SUPT6H: variants seen among roughly 807,000 people sequenced by gnomAD.
SUPT6H encodes transcription elongation factor SPT6.
In SUPT6H, 11 loss-of-function variants were observed where a neutral mutation model predicts 222.3. That is an observed-to-expected ratio of 0.05 (90% CI 0.03 to 0.08). The LOEUF is 0.08. Among genes scored for constraint, SUPT6H ranks in the 10% least tolerant of loss-of-function variants. The pLI, the probability that SUPT6H is intolerant of heterozygous loss-of-function variation, is 1.00. For missense variants in SUPT6H, 1,422 were observed against 2,216.0 expected (o/e 0.64, Z 7.19); for synonymous variants, 762 against 801.2 (o/e 0.95, Z 0.83).
In SUPT6H at chr17:28,674,268, A is replaced by G. The variant is rs1367162743; in HGVS notation, c.110-15A>G. On this transcript the variant is annotated splice_polypyrimidine_tract_variant and intron_variant, in intron 2 of 36. Coordinates refer to ENST00000314616, the MANE Select transcript of SUPT6H (RefSeq NM_003170.5). ...GTTTTTCAGTCTCCATGCCTCAAAC[A>G]TGCATGTCTTCCAGATGAGGAGGAG... is the stretch of plus-strand genomic sequence containing the variant. The G allele has an allele frequency of 8.7e-6, 14 of 1,614,048 alleles. No individual in the cohort carries two copies. The highest frequency in any genetic ancestry group is 1.2e-5 in the Non-Finnish European group (14 of 1,180,010).
chr17:28,701,394 T>G, intron 36 of SUPT6H, 45 bp from the exon 37 acceptor site: 3 of 1,593,810 alleles, frequency 1.9e-6, no homozygotes, highest in Non-Finnish European at 2.6e-6. Flanking sequence ...GTGGGAAGAC[T>G]TCCTTCTAGC....
chr17:28,680,680 C>T (rs533383186), intron 11 of SUPT6H, among the ~76,000 whole-genome samples: 39 of 152,196 alleles, frequency 2.6e-4, no homozygotes, highest in Non-Finnish European at 5.3e-4. Context: ...TGAGAGGAGT[C>T]TCACTCTGTC....
chr17:28,662,475 C>T (rs1003766737), intron 1 of SUPT6H, 133 bp downstream of exon 1: 1 of 152,648 alleles, frequency 6.6e-6, no homozygotes, highest in African/African-American at 2.4e-5. Flanking sequence ...GCCTTCCCTG[C>T]TCTATGGGGG....
intron 1 of SUPT6H, among the ~76,000 whole-genome samples, chr17:28,667,403 GTGTATATATATATATA>G (rs1453267670): frequency 8.7e-4 from 37 of 42,370 alleles, no homozygotes; most frequent in South Asian, 4.1e-3. Flanking sequence ...AAGTGTGTGT[GTGTATATATATATATA>G]TATATATATA....
At chr17:28,663,044 T>TA (rs2072090893) in intron 1 of SUPT6H, among the ~76,000 whole-genome samples, 1 of 152,222 alleles carries the variant, frequency 6.6e-6, no homozygotes. Context: ...CAAGAACTGA[T>TA]ACTTATTTCA....
At chr17:28,687,030 C>T (rs2031416629) in intron 21 of SUPT6H, 58 bp from the exon 22 acceptor site, 2 of 1,595,422 alleles carry the variant, frequency 1.3e-6, no homozygotes, top group African/African-American at 2.7e-5. Context: ...TTTGGATTTC[C>T]TCTTGATGTT....
chr17:28,683,726 C>G lies in SUPT6H; in HGVS notation c.2139C>G (p.Ile713Met). 6.2e-7 allele frequency: 1 copy of G among 1,614,112 alleles called. No individual in the cohort carries two copies. The highest frequency in any genetic ancestry group is 8.5e-7 in the Non-Finnish European group (1 of 1,180,032). The change falls in exon 17 of 37, where the codon ATC (isoleucine) becomes ATG (methionine). Residue 713 changes from isoleucine (I) to methionine (M), a missense_variant. Ile to Met is a conservative substitution (Grantham distance 10). Transcript: ENST00000314616. ...QEWNRQRTMA[I>M]ERALQQFLYV... ...GGAACCGGCAGCGCACCATGGCCAT[C>G]GAACGGGCTTTACAGCAGTTCCTCT...
In SUPT6H at chr17:28,682,707, C is replaced by T; in HGVS notation, c.1598-20C>T. On this transcript the variant is annotated intron_variant, in intron 13 of 36. Transcript: ENST00000314616. ...TCAGCCTATCTGCTGCCTTACCCTT[C>T]ACTCTTCTGTTTGCTTTAGATGGCC... is the stretch of plus-strand genomic sequence containing the variant. The T allele has an allele frequency of 6.2e-7, 1 of 1,613,448 alleles. No individual in the cohort carries two copies. Among genetic ancestry groups the T allele is most frequent in the South Asian group, 1.1e-5 (1 of 90,982 alleles).
At chr17:28,675,326 A>T (rs1451897799) in intron 5 of SUPT6H, 75 bp from the exon 6 acceptor site, 1 of 1,560,880 alleles carries the variant, frequency 6.4e-7, no homozygotes, top group East Asian at 2.2e-5. Context: ...GGCCACTCAC[A>T]TAGTAGGAAC....
At chr17:28,700,688 C>A in intron 35 of SUPT6H, 176 bp downstream of exon 35, 1 of 1,008,418 alleles carries the variant, frequency 9.9e-7, no homozygotes, top group Non-Finnish European at 1.4e-6. Flanking sequence ...TAAGAGAGGG[C>A]ATAACCTTTC....
In SUPT6H at chr17:28,697,708, A is replaced by G; in HGVS notation, c.4298A>G (p.Gln1433Arg). ...ARDLLNHKYY[Q>R]DCSGGDRKKL... ...GACCTTCTGAATCACAAGTATTATC[A>G]GGACTGCAGCGGTGGGGACCGCAAG... The change falls in exon 31 of 37, where the codon CAG (glutamine) becomes CGG (arginine). Residue 1433 changes from glutamine (Q) to arginine (R), a missense_variant. Gln to Arg is a conservative substitution (Grantham distance 43). Coordinates refer to ENST00000314616, the MANE Select transcript of SUPT6H (RefSeq NM_003170.5). 1 of 1,614,216 alleles carries G rather than the reference A, an allele frequency of 6.2e-7. No individual in the cohort carries two copies. Among genetic ancestry groups the G allele is most frequent in the African/African-American group, 1.3e-5 (1 of 75,046 alleles).
intron 7 of SUPT6H, among the ~76,000 whole-genome samples, 162 bp from the exon 8 acceptor site, chr17:28,677,553 A>C (rs1357799449): frequency 1.3e-5 from 2 of 152,210 alleles, no homozygotes; most frequent in African/African-American, 2.4e-5. Context: ...CTCAAAAAAA[A>C]AAAATGCTTA....
chr17:28,675,080 T>G lies in SUPT6H; in HGVS notation c.456T>G (p.Asp152Glu). ...KEAIAEEIFQ[D>E]GEGEEGQEAM... ...CTATTGCGGAAGAAATCTTCCAGGA[T>G]GGGGAAGGGGAAGAAGGGCAGGAGG... The change falls in exon 5 of 37, where the codon GAT becomes GAG. Residue 152 changes from aspartate to glutamate, a missense_variant. Asp to Glu is a conservative substitution (Grantham distance 45). Transcript: ENST00000314616. 6.2e-7 allele frequency: 1 copy of G among 1,613,614 alleles called. No homozygotes were observed. The highest frequency in any genetic ancestry group is 8.5e-7 in the Non-Finnish European group (1 of 1,179,844).
At chr17:28,675,328 A>T in intron 5 of SUPT6H, 73 bp from the exon 6 acceptor site, 1 of 1,564,086 alleles carries the variant, frequency 6.4e-7, no homozygotes, top group African/African-American at 1.4e-5. Flanking sequence ...CCACTCACAT[A>T]GTAGGAACCA....
chr17:28,695,297 G>T, intron 28 of SUPT6H, 55 bp from the exon 29 acceptor site: 1 of 1,548,678 alleles, frequency 6.5e-7, no homozygotes. Flanking sequence ...GGTGAAATAG[G>T]GCATCGGGCT....
In SUPT6H at chr17:28,683,482, G is replaced by A; in HGVS notation, c.2033+60G>A. Reference sequence around the variant, plus strand: ...AAGGCCTGATGAGGAGTCTGGTGGAGGGAAGGGCCCCTCAGGAGTGGGGAA... The same window carrying A: ...AAGGCCTGATGAGGAGTCTGGTGGAAGGAAGGGCCCCTCAGGAGTGGGGAA... On this transcript the variant is annotated intron_variant, in intron 16 of 36. Coordinates refer to ENST00000314616, the MANE Select transcript of SUPT6H (RefSeq NM_003170.5). 5.6e-6 allele frequency: 9 copies of A among 1,603,674 alleles called. No homozygotes were observed. In the South Asian group the frequency reaches 1.0e-4, roughly 18 times the overall value.
At position 28,701,776 on chromosome 17, in the gene SUPT6H, A is replaced by G. The variant is rs562271507; in HGVS notation, c.*151A>G. Reference sequence around the variant, plus strand: ...TCAACCCGGATGGGTGACAGGCTGGATGGCCTTGTGAACTTGAGCTCAGTG... The same window carrying G: ...TCAACCCGGATGGGTGACAGGCTGGGTGGCCTTGTGAACTTGAGCTCAGTG... On this transcript the variant is annotated 3_prime_UTR_variant, in exon 37 of 37. Transcript: ENST00000314616. 2.7e-4 allele frequency: 224 copies of G among 829,588 alleles called. No homozygotes were observed. Among genetic ancestry groups the G allele is most frequent in the Middle Eastern group, 1.5e-3 (4 of 2,718 alleles). The allele number at this position is 829,588 out of a possible 1,614,324, so 51.4% of individuals were successfully genotyped here. A position where few individuals can be genotyped will look rare whatever the true frequency, so the allele number is the denominator to read the frequency against.
chr17:28,674,004 G>A (rs2030587202), intron 2 of SUPT6H, among the ~76,000 whole-genome samples: 1 of 152,194 alleles, frequency 6.6e-6, no homozygotes, highest in Admixed American at 6.5e-5. Context: ...AAAGTTATTG[G>A]TGGCTATAAT....
At chr17:28,693,901 C>T (rs1370730941) in intron 28 of SUPT6H, 65 bp downstream of exon 28, 2 of 1,604,556 alleles carry the variant, frequency 1.2e-6, no homozygotes, top group African/African-American at 1.3e-5. Context: ...GTCTCTTTAA[C>T]TTTGGGCTGT....
Sources: gnomAD v4.1 joint callset for allele counts (sites outside exome capture counted in the v4.1 genomes callset) on GRCh38, gnomAD v4.1.1 for gene constraint, MANE v1.5 for transcripts, NCBI Gene and HGNC (gene_info 2026-07-23, HGNC 2026-07-21) for gene names.